Variants in INSR observed in about 807,000 individuals in gnomAD.
INSR encodes insulin receptor, also known as IR.
Under a neutral mutation model 142.6 loss-of-function variants are expected in INSR, and 67 were observed. The observed-to-expected ratio is 0.47, with a 90% CI of 0.39 to 0.58. The LOEUF (loss-of-function observed/expected upper bound fraction) is 0.58. Ranked by LOEUF, INSR falls within the 20% of genes least tolerant of loss-of-function variation. INSR has a pLI of 0.00. For synonymous variants in INSR, 756 were observed against 743.1 expected (o/e 1.02, Z -0.28); for missense variants, 1,248 against 1,833.2 (o/e 0.68, Z 5.83).
intron 10 of INSR, among the ~76,000 whole-genome samples, chr19:7,151,524 G>GA (rs1274106520): frequency 6.7e-6 from 1 of 149,552 alleles, no homozygotes; most frequent in African/African-American, 2.5e-5. Context: ...GGCCTCAACT[G>GA]ATTCTCCCAC....
intron 11 of INSR, among the ~76,000 whole-genome samples, chr19:7,148,162 C>T (rs746837594): frequency 3.3e-5 from 5 of 152,162 alleles, no homozygotes; most frequent in African/African-American, 4.8e-5. Context: ...GATCTGCCTG[C>T]CTGGGCCTCC....
At chr19:7,253,064 A>C (rs1976779103) in intron 2 of INSR, among the ~76,000 whole-genome samples, 1 of 150,270 alleles carries the variant, frequency 6.7e-6, no homozygotes, top group South Asian at 2.2e-4. Context: ...GCAGCGAGCC[A>C]AGATCGTGCC....
intron 2 of INSR, among the ~76,000 whole-genome samples, chr19:7,226,133 T>A (rs4804418): frequency 6.6e-6 from 1 of 152,262 alleles, no homozygotes; most frequent in East Asian, 1.9e-4. Flanking sequence ...ATCGGCCTAG[T>A]GTGGTGCCTC....
chr19:7,141,462 T>C, intron 13 of INSR: 3 of 613,982 alleles, frequency 4.9e-6, no homozygotes, highest in South Asian at 1.9e-5. Flanking sequence ...TGGAAAGCAA[T>C]GTGAGAAACT....
chr19:7,157,362 G>C (rs1157032776), intron 9 of INSR, among the ~76,000 whole-genome samples: 2 of 151,462 alleles, frequency 1.3e-5, no homozygotes, highest in Admixed American at 6.6e-5. Context: ...TGATCCACCC[G>C]CCTTGGCCTC....
intron 2 of INSR, among the ~76,000 whole-genome samples, chr19:7,259,097 C>CTCCTTCCTTCCT (rs1485687803): frequency 1.1e-3 from 2 of 1,788 alleles, no homozygotes; most frequent in African/African-American, 2.5e-3. Context: ...CCCGCCTTCC[C>CTCCTTCCTTCCT]TCCTTCCTTC....
chr19:7,222,990 C>T (rs995318961), intron 2 of INSR, among the ~76,000 whole-genome samples: 2 of 152,158 alleles, frequency 1.3e-5, no homozygotes, highest in Non-Finnish European at 2.9e-5. Context: ...TGAGACCAGC[C>T]TGGCCAGCAT....
chr19:7,214,474 T>G (rs1975371010), intron 2 of INSR, among the ~76,000 whole-genome samples: 2 of 152,208 alleles, frequency 1.3e-5, no homozygotes, highest in Admixed American at 6.5e-5. Flanking sequence ...GAGGTCTCTC[T>G]AACCTGGCCT....
rs771075792 is a variant in INSR at position 7,172,290 on chromosome 19, C to T, written c.1268G>A (p.Gly423Glu). 8 of 1,614,008 alleles carry T rather than the reference C, an allele frequency of 5.0e-6. No homozygotes were observed. The highest frequency in any genetic ancestry group is 6.8e-6 in the Non-Finnish European group (8 of 1,179,994). ...CATACACACAATCAGGCCCACGTAC[C>T]CAATTTCCAAGGTCTCTCCTCGAAT... Reference protein sequence around the residue: ...RLIRGETLEIGNYSFYALDNQ... With the variant: ...RLIRGETLEIENYSFYALDNQ... The change falls in exon 5 of 22, where the codon GGG becomes GAG. Residue 423 changes from glycine to glutamate, a missense_variant and splice_region_variant. This residue lies in a region of INSR where 1,069 missense variants were observed against 1,654.0 expected (regional missense o/e 0.65). Transcript: ENST00000302850.
chr19:7,261,796 G>T (rs1208274805), intron 2 of INSR, among the ~76,000 whole-genome samples: 1 of 152,170 alleles, frequency 6.6e-6, no homozygotes, highest in South Asian at 2.1e-4. Flanking sequence ...CTCCCAAAGT[G>T]CTGGGATTAC....
chr19:7,211,786 A>C (rs2145074717), intron 2 of INSR, among the ~76,000 whole-genome samples: 1 of 152,316 alleles, frequency 6.6e-6, no homozygotes, highest in South Asian at 2.1e-4. Context: ...TTATCAGGGG[A>C]GATACCACAG....
At chr19:7,217,933 C>G (rs1471124895) in intron 2 of INSR, among the ~76,000 whole-genome samples, 1 of 152,160 alleles carries the variant, frequency 6.6e-6, no homozygotes, top group African/African-American at 2.4e-5. Context: ...GTACCCATCA[C>G]TCAGTAAAGA....
rs774111210 is a variant in INSR at position 7,179,673 on chromosome 19, A to G, written c.974+4643T>C. Among the ~76,000 whole-genome samples, 11 of 152,324 alleles carry G rather than the reference A, an allele frequency of 7.2e-5. 1 individual carries two copies. Among genetic ancestry groups the G allele is most frequent in the Admixed American group, 2.6e-4 (4 of 15,298 alleles). ...CGTCTAACCCTGCTTTCACGCTGCA[A>G]AGGCAGAGTTAAGTAGCTCCAACAG... On this transcript the variant is annotated intron_variant, in intron 3 of 21. Coordinates refer to ENST00000302850, the MANE Select transcript of INSR (RefSeq NM_000208.4).
chr19:7,269,627 C>T (rs1967856583), intron 1 of INSR, among the ~76,000 whole-genome samples: 1 of 143,772 alleles, frequency 7.0e-6, no homozygotes, highest in Admixed American at 7.3e-5. Context: ...CAACCCCAGT[C>T]TGAGGCTCCC....
At chr19:7,238,464 T>C (rs112659531) in intron 2 of INSR, among the ~76,000 whole-genome samples, 23,836 of 151,122 alleles carry the variant, frequency 0.16, 2,057 homozygotes, top group Non-Finnish European at 0.19. Context: ...TACTAAAAAA[T>C]ACAAAAATTA....
chr19:7,132,858 T>C (rs1972821104), intron 13 of INSR, among the ~76,000 whole-genome samples: 1 of 152,220 alleles, frequency 6.6e-6, no homozygotes, highest in African/African-American at 2.4e-5. Context: ...CCCAAAGTGC[T>C]GAGATTACAG....
At chr19:7,203,642 A>G (rs1975027202) in intron 2 of INSR, among the ~76,000 whole-genome samples, 1 of 152,172 alleles carries the variant, frequency 6.6e-6, no homozygotes, top group African/African-American at 2.4e-5. Context: ...GAGCTTCTAC[A>G]TGCACGAGCT....
chr19:7,233,864 G>C (rs988086067), intron 2 of INSR, among the ~76,000 whole-genome samples: 1 of 150,924 alleles, frequency 6.6e-6, no homozygotes, highest in African/African-American at 2.4e-5. Flanking sequence ...TTTTAGTAGA[G>C]ACAGGGTTTC....
At chr19:7,197,961 AGTGT>A (rs1243704501) in intron 2 of INSR, among the ~76,000 whole-genome samples, 5 of 109,058 alleles carry the variant, frequency 4.6e-5, no homozygotes, top group South Asian at 6.0e-4. Context: ...CCATGGTGGG[AGTGT>A]GTGTGTGTCC....
Sources: gnomAD v4.1 joint callset for allele counts (sites outside exome capture counted in the v4.1 genomes callset) on GRCh38, gnomAD v4.1.1 for gene constraint, gnomAD v4.1.1 regional missense constraint, MANE v1.5 for transcripts, NCBI Gene and HGNC (gene_info 2026-07-23, HGNC 2026-07-21) for gene names.